Variants in TEAD4 observed in about 807,000 individuals in gnomAD.
TEAD4 encodes the protein TEA domain transcription factor 4.
A neutral mutation model predicts 52.4 loss-of-function variants in TEAD4; 36 were observed. The observed-to-expected ratio is 0.69, with a 90% confidence interval of 0.53 to 0.91. TEAD4 has a LOEUF of 0.91. Among genes scored for constraint, TEAD4 ranks in the 40% least tolerant of loss-of-function variants. The pLI is 0.00. For synonymous variants in TEAD4, 220 were observed against 231.0 expected (o/e 0.95, Z 0.43); for missense variants, 508 against 583.9 (o/e 0.87, Z 1.34).
chr12:2,985,096 T>G lies in TEAD4; in HGVS notation c.-29-9642T>G, dbSNP rs531509476. Among the ~76,000 whole-genome samples, 42 of 152,352 alleles carry G rather than the reference T, an allele frequency of 2.8e-4. No individual in the cohort carries two copies. In the South Asian group the frequency reaches 7.0e-3, roughly 26 times the overall value. On this transcript the variant is annotated intron_variant, in intron 2 of 12. Coordinates refer to ENST00000359864, the MANE Select transcript of TEAD4 (RefSeq NM_003213.4). ...TCTTAATTTTTTGATTCTTTTATAA[T>G]AACACTTTAAAACGCAAACACCTCA... is the stretch of plus-strand genomic sequence containing the variant.
chr12:3,026,799 A>C (rs566512415), intron 10 of TEAD4, among the ~76,000 whole-genome samples: 224 of 152,340 alleles, frequency 1.5e-3, no homozygotes, highest in Middle Eastern at 3.4e-3. Flanking sequence ...AGGGTGAATT[A>C]GATGAGTGGA....
intron 2 of TEAD4, among the ~76,000 whole-genome samples, chr12:2,973,041 G>A (rs572885438): frequency 2.6e-4 from 40 of 152,184 alleles, no homozygotes; most frequent in African/African-American, 8.2e-4. Flanking sequence ...ACGCTGATCT[G>A]TTCATTCCTA....
intron 2 of TEAD4, among the ~76,000 whole-genome samples, chr12:2,963,555 G>T (rs2098217618): frequency 6.6e-6 from 1 of 152,240 alleles, no homozygotes; most frequent in Non-Finnish European, 1.5e-5. Context: ...CCAGGTGGAG[G>T]TGGGGGCAGG....
intron 2 of TEAD4, among the ~76,000 whole-genome samples, chr12:2,961,124 G>C (rs892493210): frequency 2.6e-5 from 4 of 152,140 alleles, no homozygotes; most frequent in Non-Finnish European, 5.9e-5. Context: ...TGGATCCCCG[G>C]GAAAAGGAGA....
chr12:3,020,585 G>A, intron 8 of TEAD4, 49 bp from the exon 9 acceptor site: 1 of 1,486,636 alleles, frequency 6.7e-7, no homozygotes, highest in Non-Finnish European at 9.0e-7. Flanking sequence ...GGTGCGGGCA[G>A]GGCGGGTGTC....
In TEAD4 at chr12:3,017,466, C is replaced by T. The variant is rs1004311599; in HGVS notation, c.423C>T (p.Ala141=). ...TGTCGTCTGCACAGATCATCTCCGC[C>T]ACGGCCTTCCACAGTAGCATGGCCC... Residue 141 remains alanine (A), a synonymous_variant, in exon 6 of 13, where the codon GCC becomes GCT. Coordinates refer to ENST00000359864, the MANE Select transcript of TEAD4 (RefSeq NM_003213.4). The T allele has an allele frequency of 1.2e-6, 2 of 1,614,202 alleles. No individual in the cohort carries two copies. The highest frequency in any genetic ancestry group is 1.7e-6 in the Non-Finnish European group (2 of 1,180,046).
rs145024551 is a variant in TEAD4, at chr12:2,985,349, T to C, written c.-29-9389T>C. ...GCAGTGAGCCGAGATTGCGCCACTG[T>C]ACTCCAGCCTGGGTGACAGAGCAAG... On this transcript the variant is annotated intron_variant, in intron 2 of 12. Transcript: ENST00000359864. Among the ~76,000 whole-genome samples, 987 of 151,614 alleles carry C rather than the reference T, an allele frequency of 6.5e-3. 6 individuals carry two copies. The highest frequency in any genetic ancestry group is 0.017 in the African/African-American group (715 of 41,354).
chr12:2,995,500 G>C (rs2098246349), intron 3 of TEAD4, among the ~76,000 whole-genome samples: 1 of 152,176 alleles, frequency 6.6e-6, no homozygotes, highest in Non-Finnish European at 1.5e-5. Context: ...AGGCAGCCTG[G>C]AGAGTTCCTA....
intron 10 of TEAD4, among the ~76,000 whole-genome samples, chr12:3,032,772 C>T (rs186992667): frequency 6.6e-6 from 1 of 152,268 alleles, no homozygotes; most frequent in East Asian, 1.9e-4. Flanking sequence ...GCCAGGGCAC[C>T]TTGGCGGTCA....
rs957521256 is a variant in TEAD4, at chr12:2,994,665, C to T, written c.-29-73C>T. The T allele has an allele frequency of 3.4e-6, 5 of 1,459,896 alleles. No individual in the cohort carries two copies. In the African/African-American group the frequency reaches 4.3e-5, roughly 12 times the overall value. The allele number at this position is 1,459,896 out of a possible 1,614,324, so 90.4% of individuals were successfully genotyped here. A position where few individuals can be genotyped will look rare whatever the true frequency, so the allele number is the denominator to read the frequency against. ...CAACTGATTCGGGCTCTGGCACTCC[C>T]CGGAGTGCCTTCATCCCGTGGCCCA... is the stretch of plus-strand genomic sequence containing the variant. On this transcript the variant is annotated intron_variant, in intron 2 of 12. Transcript: ENST00000359864. The surrounding 1 kb of genome is among the most constrained non-coding windows in gnomAD (Gnocchi z 4.7).
chr12:3,021,787 T>G (rs1056551062), intron 9 of TEAD4, 57 bp from the exon 10 acceptor site: 1 of 1,577,974 alleles, frequency 6.3e-7, no homozygotes. Context: ...GAGCCAGGGT[T>G]GTCTGTCTGA....
At chr12:2,969,241 T>C (rs1264797687) in intron 2 of TEAD4, among the ~76,000 whole-genome samples, 2 of 152,258 alleles carry the variant, frequency 1.3e-5, no homozygotes, top group Non-Finnish European at 2.9e-5. Context: ...CACTGAATGC[T>C]GCATTGAATC....
At chr12:2,984,961 C>A (rs1391071919) in intron 2 of TEAD4, among the ~76,000 whole-genome samples, 2 of 152,146 alleles carry the variant, frequency 1.3e-5, no homozygotes, top group Admixed American at 6.5e-5. Flanking sequence ...ACTGATACTA[C>A]TGTAGACTTT....
chr12:3,025,887 G>T (rs376487987), intron 10 of TEAD4, among the ~76,000 whole-genome samples: 2 of 151,966 alleles, frequency 1.3e-5, no homozygotes, highest in African/African-American at 4.8e-5. Context: ...ATTATCTTCT[G>T]ACATAAATAG....
intron 2 of TEAD4, among the ~76,000 whole-genome samples, chr12:2,973,096 TACA>T (rs977986387): frequency 7.2e-5 from 11 of 152,108 alleles, no homozygotes; most frequent in African/African-American, 2.7e-4. Context: ...ATCATGCAGT[TACA>T]TAGCTCTTTG....
At position 3,026,557 on chromosome 12, in the gene TEAD4, G is replaced by C. The variant is rs78167905; in HGVS notation, c.897+4540G>C. ...CCAACCATCAAAAGAAGCCAGTTTA[G>C]CTCCCTGTAAGGGGCCTGCTGGGAA... On this transcript the variant is annotated intron_variant, in intron 10 of 12. Coordinates refer to ENST00000359864, the MANE Select transcript of TEAD4 (RefSeq NM_003213.4). Among the ~76,000 whole-genome samples the C allele has an allele frequency of 2.6e-3, 389 of 152,334 alleles. 7 individuals are homozygous for C. In the East Asian group the frequency reaches 0.038, roughly 15 times the overall value.
chr12:3,029,454 G>C (rs529808483), intron 10 of TEAD4, among the ~76,000 whole-genome samples: 2 of 152,092 alleles, frequency 1.3e-5, no homozygotes, highest in African/African-American at 4.8e-5. Flanking sequence ...TAGCCAGGAT[G>C]GTCTCGATCT....
intron 2 of TEAD4, among the ~76,000 whole-genome samples, chr12:2,989,169 G>T (rs1042722815): frequency 6.6e-6 from 1 of 152,080 alleles, no homozygotes; most frequent in African/African-American, 2.4e-5. Flanking sequence ...GGATCTCCTG[G>T]CTTCAAGCAA....
At chr12:3,011,530 C>G (rs2098260352) in intron 4 of TEAD4, among the ~76,000 whole-genome samples, 3 of 151,852 alleles carry the variant, frequency 2.0e-5, no homozygotes, top group Non-Finnish European at 4.4e-5. Context: ...CCACCCCCGG[C>G]CGGGTGGTCC....
Sources: gnomAD v4.1 joint callset for allele counts (sites outside exome capture counted in the v4.1 genomes callset) on GRCh38, gnomAD v4.1.1 for gene constraint, Gnocchi (gnomAD v3.1) non-coding constraint, MANE v1.5 for transcripts, NCBI Gene and HGNC (gene_info 2026-07-23, HGNC 2026-07-21) for gene names.